ATRNL1: variants seen among roughly 807,000 people sequenced by gnomAD.
ATRNL1 encodes attractin like 1.
ATRNL1 carries 95 observed loss-of-function variants against 182.7 expected under a neutral mutation model. The ratio of observed to expected loss-of-function variants is 0.52; its 90% CI spans 0.44 to 0.62. ATRNL1 has a LOEUF of 0.62. ATRNL1 is among the 20% of genes least tolerant of loss of function. ATRNL1 has a pLI of 0.00. For missense variants in ATRNL1, 1,471 were observed against 1,679.5 expected, an observed-to-expected ratio of 0.88 and a Z score of 2.17; for synonymous variants, 576 against 568.3, an observed-to-expected ratio of 1.01 and a Z score of -0.19.
At chr10:115,484,014 TAA>T (rs1231530687) in intron 24 of ATRNL1, among the ~76,000 whole-genome samples, 3 of 151,620 alleles carry the variant, frequency 2.0e-5, no homozygotes, top group African/African-American at 4.8e-5. Context: ...TACAGTTGAA[TAA>T]ACCTACACTA....
At chr10:115,140,299 A>G (rs1245417959) in intron 5 of ATRNL1, among the ~76,000 whole-genome samples, 1 of 152,206 alleles carries the variant, frequency 6.6e-6, no homozygotes, top group African/African-American at 2.4e-5. Context: ...GATTCTCCCA[A>G]ACACAGGAAA....
intron 28 of ATRNL1, among the ~76,000 whole-genome samples, chr10:115,917,198 C>A (rs1231727345): frequency 6.6e-6 from 1 of 151,734 alleles, no homozygotes; most frequent in East Asian, 2.0e-4. Context: ...CGGCTGGGAG[C>A]GGTGGCTCGC....
At chr10:115,710,390 C>T (rs1435911036) in intron 26 of ATRNL1, among the ~76,000 whole-genome samples, 1 of 152,074 alleles carries the variant, frequency 6.6e-6, no homozygotes, top group Non-Finnish European at 1.5e-5. Context: ...AAAGATCTCC[C>T]TTGAGCTGAA....
intron 26 of ATRNL1, among the ~76,000 whole-genome samples, chr10:115,724,113 T>C (rs1045625410): frequency 6.6e-6 from 1 of 152,212 alleles, no homozygotes; most frequent in African/African-American, 2.4e-5. Context: ...CTTATGGGTA[T>C]ACAAAATGTT....
At chr10:115,919,580 A>G (rs1287520745) in intron 28 of ATRNL1, among the ~76,000 whole-genome samples, 3 of 152,176 alleles carry the variant, frequency 2.0e-5, no homozygotes, top group Admixed American at 1.3e-4. Context: ...ATTCTGTGCT[A>G]TAGATGCCAT....
intron 24 of ATRNL1, among the ~76,000 whole-genome samples, chr10:115,469,552 A>G (rs1848210054): frequency 6.6e-6 from 1 of 150,670 alleles, no homozygotes; most frequent in Admixed American, 6.6e-5. Flanking sequence ...TTCAGTGATT[A>G]TTATGTACTA....
At chr10:115,715,403 T>A (rs1438749378) in intron 26 of ATRNL1, among the ~76,000 whole-genome samples, 1 of 152,206 alleles carries the variant, frequency 6.6e-6, no homozygotes, top group Non-Finnish European at 1.5e-5. Flanking sequence ...TAAATCCATA[T>A]ACCTTATCTG....
chr10:115,383,750 A>G (rs1858169712), intron 19 of ATRNL1, among the ~76,000 whole-genome samples: 1 of 152,028 alleles, frequency 6.6e-6, no homozygotes, highest in African/African-American at 2.4e-5. Flanking sequence ...ATAACAAATT[A>G]TGCTACTTTA....
At chr10:115,730,340 T>C (rs1947758779) in intron 27 of ATRNL1, among the ~76,000 whole-genome samples, 2 of 148,206 alleles carry the variant, frequency 1.3e-5, no homozygotes, top group Admixed American at 6.7e-5. Flanking sequence ...TGCCTACCAA[T>C]ATGTTTTTCT....
chr10:115,386,500 G>A (rs1858357140), intron 19 of ATRNL1, among the ~76,000 whole-genome samples: 1 of 152,068 alleles, frequency 6.6e-6, no homozygotes, highest in Non-Finnish European at 1.5e-5. Context: ...AAACAGTTGT[G>A]ACTGCCTTGA....
intron 11 of ATRNL1, among the ~76,000 whole-genome samples, chr10:115,266,161 G>A (rs1851598926): frequency 2.0e-5 from 3 of 151,544 alleles, no homozygotes; most frequent in Admixed American, 2.0e-4. Flanking sequence ...TAATATTTTT[G>A]ACATGAAAAA....
At chr10:115,274,048 A>G (rs1564871562) in intron 13 of ATRNL1, among the ~76,000 whole-genome samples, 3 of 152,170 alleles carry the variant, frequency 2.0e-5, no homozygotes, top group African/African-American at 2.4e-5. Flanking sequence ...CTGCTAAAGG[A>G]TAGTAGTTAT....
intron 8 of ATRNL1, among the ~76,000 whole-genome samples, chr10:115,188,996 T>C (rs1228430832): frequency 6.6e-6 from 1 of 152,136 alleles, no homozygotes; most frequent in East Asian, 1.9e-4. Flanking sequence ...TTAAGTAAAA[T>C]GAAACAGTAT....
At chr10:115,565,006 TTATATC>T (rs1853991730) in intron 26 of ATRNL1, among the ~76,000 whole-genome samples, 1 of 152,012 alleles carries the variant, frequency 6.6e-6, no homozygotes, top group African/African-American at 2.4e-5. Flanking sequence ...TTTGAACACT[TTATATC>T]TTTATTTCTC....
chr10:115,522,062 G>C (rs1287858793), intron 25 of ATRNL1, among the ~76,000 whole-genome samples: 1 of 152,108 alleles, frequency 6.6e-6, no homozygotes, highest in Non-Finnish European at 1.5e-5. Context: ...ATTGTGTGTA[G>C]TTCTGATGGT....
At chr10:115,332,204 G>C (rs549637682) in intron 18 of ATRNL1, among the ~76,000 whole-genome samples, 1 of 152,238 alleles carries the variant, frequency 6.6e-6, no homozygotes, top group South Asian at 2.1e-4. Flanking sequence ...AGACCTTTCT[G>C]TGTATAGTAC....
At chr10:115,255,272 G>A (rs1851070323) in intron 10 of ATRNL1, among the ~76,000 whole-genome samples, 1 of 152,138 alleles carries the variant, frequency 6.6e-6, no homozygotes, top group African/African-American at 2.4e-5. Context: ...CATGAACATG[G>A]AATATTCTTC....
At chr10:115,134,756 C>T (rs1338990804) in intron 5 of ATRNL1, among the ~76,000 whole-genome samples, 27 of 152,334 alleles carry the variant, frequency 1.8e-4, no homozygotes, top group African/African-American at 6.5e-4. Context: ...AGACCAATAT[C>T]TCTGATGAAC....
At chr10:115,821,396 A>G (rs1337116929) in intron 27 of ATRNL1, among the ~76,000 whole-genome samples, 1 of 152,130 alleles carries the variant, frequency 6.6e-6, no homozygotes, top group Non-Finnish European at 1.5e-5. Context: ...GGTGGTTGGT[A>G]CTGGTTTTTC....
Sources: allele counts gnomAD v4.1 joint callset (sites outside exome capture counted in the v4.1 genomes callset), GRCh38; gene constraint gnomAD v4.1.1; transcripts MANE v1.5; gene names NCBI Gene and HGNC (gene_info 2026-07-23, HGNC 2026-07-21).